The following PLPPR4 variants were observed in gnomAD, a reference collection of about 807,000 sequenced individuals.
The protein encoded by PLPPR4 is phospholipid phosphatase related 4.
A neutral mutation model predicts 56.6 loss-of-function variants in PLPPR4; 24 were observed. That is an observed-to-expected ratio of 0.42 (90% CI 0.31 to 0.60). The LOEUF is 0.60. PLPPR4 is among the 20% of genes least tolerant of loss of function. The pLI is 0.13. For missense variants in PLPPR4, 654 were observed against 885.8 expected, an observed-to-expected ratio of 0.74 and a Z score of 3.32; for synonymous variants, 326 against 328.1, an observed-to-expected ratio of 0.99 and a Z score of 0.07.
intron 6 of PLPPR4, among the ~76,000 whole-genome samples, chr1:99,302,845 C>T (rs953500432): frequency 1.3e-5 from 2 of 151,168 alleles, no homozygotes; most frequent in Non-Finnish European, 2.9e-5. Flanking sequence ...GACATGAGCT[C>T]ATCATTTTTT....
chr1:99,306,865 A>AGAC lies in PLPPR4; in HGVS notation c.2005_2007dup (p.Thr669dup), dbSNP rs930212301. The AGAC allele has an allele frequency of 2.5e-6, 4 of 1,614,040 alleles. No homozygotes were observed. In the African/African-American group the frequency reaches 5.3e-5, roughly 22 times the overall value. ...GTAGAGGGCAGCGAAATTGGCTCAG[A>AGAC]GACGCTGTCCATTTCTTCTTCCCGC... is the stretch of plus-strand genomic sequence containing the variant. On this transcript the variant is annotated inframe_insertion, in exon 7 of 7. Transcript: ENST00000370185. This position sits in a 1 kb window ranked among gnomAD's most constrained non-coding sequence, Gnocchi z 4.0.
chr1:99,292,902 T>C (rs1267902986), intron 2 of PLPPR4, among the ~76,000 whole-genome samples: 1 of 152,216 alleles, frequency 6.6e-6, no homozygotes, highest in African/African-American at 2.4e-5. Context: ...TTCCTACATA[T>C]ACAGCTATGC....
intron 2 of PLPPR4, among the ~76,000 whole-genome samples, chr1:99,292,208 T>C (rs1659640745): frequency 1.3e-5 from 2 of 152,154 alleles, no homozygotes; most frequent in Admixed American, 6.5e-5. Context: ...GGAAAGCAAA[T>C]TTAGTTGTGG....
At chr1:99,282,994 T>C in intron 1 of PLPPR4, among the ~76,000 whole-genome samples, 2 of 147,924 alleles carry the variant, frequency 1.4e-5, no homozygotes, top group South Asian at 4.2e-4. Flanking sequence ...ATATATAATA[T>C]ATATTATATA....
At chr1:99,278,446 T>A (rs532908959) in intron 1 of PLPPR4, among the ~76,000 whole-genome samples, 45 of 152,288 alleles carry the variant, frequency 3.0e-4, no homozygotes, top group Non-Finnish European at 6.0e-4. Flanking sequence ...TAAATTACTA[T>A]TATTACCCAA....
In PLPPR4 at chr1:99,308,423, A is replaced by C. The variant is rs1660101219; in HGVS notation, c.*1413A>C. ...TCAAAGCAAACCAATACCATTGATA[A>C]GAAGAAGATAAAAACAAAATATTTT... On this transcript the variant is annotated 3_prime_UTR_variant, in exon 7 of 7. Transcript: ENST00000370185. 6.6e-6 allele frequency: 1 copy of C among 152,438 alleles called. No individual in the cohort carries two copies. Among genetic ancestry groups the C allele is most frequent in the African/African-American group, 2.4e-5 (1 of 41,470 alleles). 9.4% of individuals were successfully genotyped at this position (152,438 alleles called of 1,614,324 possible). A position where few individuals can be genotyped will look rare whatever the true frequency, so the allele number is the denominator to read the frequency against.
intron 2 of PLPPR4, among the ~76,000 whole-genome samples, chr1:99,295,726 G>C (rs540895935): frequency 1.4e-4 from 22 of 152,316 alleles, no homozygotes; most frequent in African/African-American, 5.3e-4. Context: ...GCCTAAGGTA[G>C]TTAGCAAATG....
intron 6 of PLPPR4, among the ~76,000 whole-genome samples, chr1:99,304,401 A>G (rs1055097586): frequency 3.9e-5 from 6 of 152,194 alleles, no homozygotes; most frequent in Non-Finnish European, 7.3e-5. Context: ...CACAATGACA[A>G]AATCACCTGT....
At chr1:99,296,983 A>C in intron 3 of PLPPR4, 116 bp downstream of exon 3, 5 of 1,097,122 alleles carry the variant, frequency 4.6e-6, no homozygotes, top group South Asian at 2.9e-5. Context: ...ATTTCAGTAC[A>C]TGATGAGTTT....
Position 99,281,977 on chromosome 1 carries a change from C to A in PLPPR4, c.79-5988C>A, listed in dbSNP as rs183170540. 3.3e-5 allele frequency among the ~76,000 whole-genome samples: 5 copies of A among 152,230 alleles called. No individual in the cohort carries two copies. The South Asian group carries it at 6.2e-4, about 19-fold the overall frequency. On this transcript the variant is annotated intron_variant, in intron 1 of 6. Transcript: ENST00000370185. ...AACTAAAATAATTTAACCTTGAAAT[C>A]TCTTATGATAGTGTTGTTCCCCAAA... is the stretch of plus-strand genomic sequence containing the variant.
intron 1 of PLPPR4, among the ~76,000 whole-genome samples, chr1:99,271,222 A>C (rs1346113286): frequency 6.6e-6 from 1 of 152,198 alleles, no homozygotes; most frequent in Admixed American, 6.5e-5. Flanking sequence ...CTCTAGATAC[A>C]TTACTTTTAG....
intron 1 of PLPPR4, among the ~76,000 whole-genome samples, chr1:99,270,839 T>C (rs1429035891): frequency 1.3e-5 from 2 of 152,200 alleles, no homozygotes; most frequent in Non-Finnish European, 2.9e-5. Context: ...CTTCAAACCC[T>C]GCCAAATGAG....
At chr1:99,279,153 A>T (rs1472416314) in intron 1 of PLPPR4, among the ~76,000 whole-genome samples, 1 of 152,170 alleles carries the variant, frequency 6.6e-6, no homozygotes, top group Non-Finnish European at 1.5e-5. Context: ...AAAGAGATGG[A>T]TAAGACTATT....
At chr1:99,264,446 C>A (rs1658836995), upstream of PLPPR4, 2 of 1,482,280 alleles carry the variant, frequency 1.3e-6, no homozygotes, top group Non-Finnish European at 8.9e-7. Flanking sequence ...GGCGGGGGCG[C>A]TGCATGCAGC....
In PLPPR4 at chr1:99,308,695, A is replaced by G. The variant is rs1381233087; in HGVS notation, c.*1685A>G. ...GAAAAAGGTGGAGCTTTCTAGAAAA[A>G]CCAACCTCTAAGGCATTAGGAATTT... On this transcript the variant is annotated 3_prime_UTR_variant, in exon 7 of 7. Transcript: ENST00000370185. The G allele has an allele frequency of 6.6e-6, 1 of 152,588 alleles. No homozygotes were observed. Among genetic ancestry groups the G allele is most frequent in the Non-Finnish European group, 1.5e-5 (1 of 68,024 alleles). 9.5% of individuals were successfully genotyped at this position (152,588 alleles called of 1,614,324 possible). A position where few individuals can be genotyped will look rare whatever the true frequency, so the allele number is the denominator to read the frequency against.
Position 99,307,254 on chromosome 1 carries a change from A to G in PLPPR4, c.*244A>G, listed in dbSNP as rs6692023. The G allele has an allele frequency of 4.0e-3, 1,854 of 466,134 alleles. 30 individuals carry two copies. The highest frequency in any genetic ancestry group is 0.033 in the African/African-American group (1,710 of 51,242). The allele number at this position is 466,134 out of a possible 1,614,324, so 28.9% of individuals were successfully genotyped here. ...AGAGTTTTCTTAAGACCTGTCGTCA[A>G]ACTTAAAAGGTTTTGCAGAGGGCAG... On this transcript the variant is annotated 3_prime_UTR_variant, in exon 7 of 7. Coordinates refer to ENST00000370185, the MANE Select transcript of PLPPR4 (RefSeq NM_014839.5).
chr1:99,263,439 G>C (rs1658811008), upstream of PLPPR4, among the ~76,000 whole-genome samples: 1 of 152,158 alleles, frequency 6.6e-6, no homozygotes, highest in Non-Finnish European at 1.5e-5. Context: ...AGACCTATTG[G>C]AGGAGCAACT....
At position 99,307,753 on chromosome 1, in the gene PLPPR4, CT is replaced by C. The variant is rs1312499566; in HGVS notation, c.*744del. On this transcript the variant is annotated 3_prime_UTR_variant, in exon 7 of 7. Coordinates refer to ENST00000370185, the MANE Select transcript of PLPPR4 (RefSeq NM_014839.5). Reference sequence around the variant, plus strand: ...AGTACTTTTCTGCATAGTTTTTCTTCTGCTTACTTTTTATTTAAGTATAGGT... The same window carrying C: ...AGTACTTTTCTGCATAGTTTTTCTTCGCTTACTTTTTATTTAAGTATAGGT... The C allele has an allele frequency of 6.6e-6, 1 of 152,074 alleles. No individual in the cohort carries two copies. Among genetic ancestry groups the C allele is most frequent in the Non-Finnish European group, 1.5e-5 (1 of 68,012 alleles). 9.4% of individuals were successfully genotyped at this position (152,074 alleles called of 1,614,324 possible).
At chr1:99,301,435 G>A (rs1160674828) in intron 5 of PLPPR4, among the ~76,000 whole-genome samples, 1 of 152,002 alleles carries the variant, frequency 6.6e-6, no homozygotes, top group Non-Finnish European at 1.5e-5. Context: ...AGTCTTTCCT[G>A]AGAAAAATGA....
Sources: gnomAD v4.1 joint callset for allele counts (sites outside exome capture counted in the v4.1 genomes callset) on GRCh38, gnomAD v4.1.1 for gene constraint, Gnocchi (gnomAD v3.1) non-coding constraint, MANE v1.5 for transcripts, NCBI Gene and HGNC (gene_info 2026-07-23, HGNC 2026-07-21) for gene names.